The following DMXL1 variants were observed in gnomAD, a reference collection of about 807,000 sequenced individuals.
The protein encoded by DMXL1 is dmX-like protein 1.
A neutral mutation model predicts 319.2 loss-of-function variants in DMXL1; 99 were observed. The observed-to-expected ratio is 0.31, with a 90% CI of 0.26 to 0.37. The LOEUF (loss-of-function observed/expected upper bound fraction) is 0.37, where lower values mean the gene tolerates loss of function less well. DMXL1 is among the 10% of genes least tolerant of loss of function. The probability of loss-of-function intolerance (pLI) is 1.00; values close to 1 mark genes in which losing one functional copy is unlikely to be tolerated. For synonymous variants in DMXL1, 1,385 were observed against 1,235.2 expected, an observed-to-expected ratio of 1.12 and a Z score of -2.54; for missense variants, 3,745 against 3,595.6, an observed-to-expected ratio of 1.04 and a Z score of -1.06.
chr5:119,189,612 G>T lies in DMXL1; in HGVS notation c.7136-96G>T. ...ATCTCAATCTTATTTTTTTGTGTGT[G>T]CTTATTTGTAGTTAACCTTAGCTCT... On this transcript the variant is annotated intron_variant, in intron 28 of 43. Transcript: ENST00000539542. 6 of 1,091,944 alleles carry T rather than the reference G, an allele frequency of 5.5e-6. No individual in the cohort carries two copies. The Admixed American group carries it at 7.0e-5, about 13-fold the overall frequency. The allele number at this position is 1,091,944 out of a possible 1,614,324, so 67.6% of individuals were successfully genotyped here.
chr5:119,118,839 G>A lies in DMXL1; in HGVS notation c.768G>A (p.Leu256=), dbSNP rs745721380. 5.6e-6 allele frequency: 9 copies of A among 1,612,792 alleles called. No homozygotes were observed. The highest frequency in any genetic ancestry group is 1.7e-6 in the Non-Finnish European group (2 of 1,179,612). ...MPRASVCNVL[L]TCCKDNVCRL... is the part of the protein sequence containing the mutation. ...GGGCTTCTGTATGTAATGTACTGTTGACTTGCTGCAAAGATAATGTGTGTC... is the reference window on the plus strand; with the variant it reads ...GGGCTTCTGTATGTAATGTACTGTTAACTTGCTGCAAAGATAATGTGTGTC... Residue 256 remains leucine (L), a synonymous_variant, in exon 8 of 44, where the codon TTG becomes TTA. Transcript: ENST00000539542.
At chr5:119,240,323 TG>T in intron 41 of DMXL1, 95 bp from the exon 42 acceptor site, 2 of 768,096 alleles carry the variant, frequency 2.6e-6, no homozygotes, top group Non-Finnish European at 4.1e-6. Flanking sequence ...GAACCTTCTG[TG>T]ACAGCAAGGT....
chr5:119,169,617 A>G lies in DMXL1; in HGVS notation c.5399-573A>G, dbSNP rs190187053. Among the ~76,000 whole-genome samples, 21 of 152,356 alleles carry G rather than the reference A, an allele frequency of 1.4e-4. No individual in the cohort carries two copies. In the East Asian group the frequency reaches 3.9e-3, roughly 28 times the overall value. ...AGGGCACACTAAATAAAAAGGCCCC[A>G]AAGCAAGAGTTTATACACATAAGTA... On this transcript the variant is annotated intron_variant, in intron 23 of 43. Transcript: ENST00000539542.
At chr5:119,153,364 T>G (rs1282234189) in intron 19 of DMXL1, among the ~76,000 whole-genome samples, 1 of 152,244 alleles carries the variant, frequency 6.6e-6, no homozygotes, top group African/African-American at 2.4e-5. Context: ...CTGATATATG[T>G]ATACAAAGTG....
At chr5:119,079,886 T>C (rs915088655) in intron 1 of DMXL1, among the ~76,000 whole-genome samples, 5 of 152,334 alleles carry the variant, frequency 3.3e-5, no homozygotes, top group African/African-American at 1.2e-4. Flanking sequence ...ATATCTTTCT[T>C]GTCTGTCCCT....
Position 119,116,292 on chromosome 5 carries a change from A to G in DMXL1, c.699A>G (p.Ala233=). 1.2e-6 allele frequency: 2 copies of G among 1,614,122 alleles called. No homozygotes were observed. The highest frequency in any genetic ancestry group is 1.7e-6 in the Non-Finnish European group (2 of 1,179,988). ...TTGTGTATCTGGCCCATCCTCGAGC[A>G]GTAAATGGATTTTCCTGGCGTAAAA... ...FSFVYLAHPR[A]VNGFSWRKTS... The change falls in exon 7 of 44, where the codon GCA becomes GCG. Residue 233 remains alanine, a synonymous_variant. Transcript: ENST00000539542.
rs1580648192 is a variant in DMXL1, at chr5:119,092,046, C to A, written c.88-5933C>A. ...CTGTTCACCATAATCTCCCTTTTTC[C>A]AGTGTAGAAACAATGTTTGGGGAAA... is the stretch of plus-strand genomic sequence containing the variant. On this transcript the variant is annotated intron_variant, in intron 1 of 43. Transcript: ENST00000539542. 2.6e-5 allele frequency among the ~76,000 whole-genome samples: 4 copies of A among 152,216 alleles called. 1 individual carries two copies. In the South Asian group the frequency reaches 6.2e-4, roughly 24 times the overall value.
chr5:119,197,284 A>G (rs1249940147), intron 31 of DMXL1, among the ~76,000 whole-genome samples: 1 of 152,214 alleles, frequency 6.6e-6, no homozygotes, highest in Non-Finnish European at 1.5e-5. Context: ...GCCTTGGGCC[A>G]CACATAAAAT....
intron 1 of DMXL1, among the ~76,000 whole-genome samples, chr5:119,078,918 AAC>A (rs1217824453): frequency 2.0e-5 from 3 of 152,352 alleles, no homozygotes; most frequent in East Asian, 3.9e-4. Flanking sequence ...TTAATTTAGC[AAC>A]AGTCTTTGTT....
In DMXL1 at chr5:119,144,617, G is replaced by A; in HGVS notation, c.2548G>A (p.Asp850Asn). The change falls in exon 15 of 44, where the codon GAC becomes AAC. Residue 850 changes from aspartate to asparagine, a missense_variant. Asp to Asn is a conservative substitution (Grantham distance 23). Around this residue, in one of 4 missense-constraint regions of DMXL1, gnomAD observed 2,096 missense variants for 1,985.4 expected, o/e 1.06. Coordinates refer to ENST00000539542, the MANE Select transcript of DMXL1 (RefSeq NM_001290321.3). The stretch of plus-strand genomic sequence containing the variant: ...CCTTGAGAAGAAAAGCCTTGGCAAA[G>A]ACAGCATTTTATCTAATGCAGGTAA... ...NNLEKKSLGK[D>N]SILSNAGSSP... 1 of 1,599,006 alleles carries A rather than the reference G, an allele frequency of 6.3e-7. No homozygotes were observed. The highest frequency in any genetic ancestry group is 1.1e-5 in the South Asian group (1 of 88,272).
intron 37 of DMXL1, among the ~76,000 whole-genome samples, chr5:119,222,258 A>C (rs1186040204): frequency 6.6e-6 from 1 of 152,184 alleles, no homozygotes; most frequent in Non-Finnish European, 1.5e-5. Flanking sequence ...AAGTGGATCA[A>C]CTTATGTCAC....
intron 25 of DMXL1, among the ~76,000 whole-genome samples, chr5:119,174,387 G>A (rs1246250107): frequency 6.6e-6 from 1 of 152,164 alleles, no homozygotes; most frequent in Non-Finnish European, 1.5e-5. Flanking sequence ...TCAGTGAGTG[G>A]AGAAGTACGT....
In DMXL1 at chr5:119,223,057, G is replaced by GTTT. The variant is rs35683993; in HGVS notation, c.8278-1637_8278-1635dup. On this transcript the variant is annotated intron_variant, in intron 37 of 43. Coordinates refer to ENST00000539542, the MANE Select transcript of DMXL1 (RefSeq NM_001290321.3). ...TTGAAATTATTCATTACTTAGTTGTGTTTTTTTTTTTTTTTTTGAGATGGA... is the reference window on the plus strand; with the variant it reads ...TTGAAATTATTCATTACTTAGTTGTGTTTTTTTTTTTTTTTTTTTTGAGATGGA... Among the ~76,000 whole-genome samples, 41 of 123,416 alleles carry GTTT rather than the reference G, an allele frequency of 3.3e-4. 1 individual carries two copies. Among genetic ancestry groups the GTTT allele is most frequent in the Non-Finnish European group, 4.3e-4 (26 of 60,862 alleles). 81.0% of individuals were successfully genotyped at this position (123,416 alleles called of 152,430 possible).
In DMXL1 at chr5:119,088,332, G is replaced by A. The variant is rs554288310; in HGVS notation, c.88-9647G>A. 2.6e-5 allele frequency among the ~76,000 whole-genome samples: 4 copies of A among 152,266 alleles called. No homozygotes were observed. The South Asian group carries it at 6.2e-4, about 24-fold the overall frequency. ...TTCCACCCCTTTACTTTCAGTCTGT[G>A]TATGCTTTTGTTGGTAAGGTGGGTT... On this transcript the variant is annotated intron_variant, in intron 1 of 43. Coordinates refer to ENST00000539542, the MANE Select transcript of DMXL1 (RefSeq NM_001290321.3).
chr5:119,095,345 C>A (rs1192670582), intron 1 of DMXL1, among the ~76,000 whole-genome samples: 1 of 152,108 alleles, frequency 6.6e-6, no homozygotes, highest in Non-Finnish European at 1.5e-5. Flanking sequence ...TTGGTATTTT[C>A]CTCTGTATAG....
rs1162857458 is a variant in DMXL1, at chr5:119,247,355, T to G, written c.*136T>G. 6.2e-6 allele frequency: 4 copies of G among 646,932 alleles called. No homozygotes were observed. The highest frequency in any genetic ancestry group is 1.0e-5 in the Non-Finnish European group (4 of 389,256). The allele number at this position is 646,932 out of a possible 1,614,324, so 40.1% of individuals were successfully genotyped here. Reference sequence around the variant, plus strand: ...ATATTTATTTTATGGAGCTTTGCCCTTGATGCACTGATGCCTTAAAAATTA... The same window carrying G: ...ATATTTATTTTATGGAGCTTTGCCCGTGATGCACTGATGCCTTAAAAATTA... On this transcript the variant is annotated 3_prime_UTR_variant, in exon 44 of 44. Transcript: ENST00000539542.
In DMXL1 at chr5:119,178,166, G is replaced by A. The variant is rs1776161754; in HGVS notation, c.7057G>A (p.Glu2353Lys). The A allele has an allele frequency of 6.2e-7, 1 of 1,613,908 alleles. No individual in the cohort carries two copies. The highest frequency in any genetic ancestry group is 8.5e-7 in the Non-Finnish European group (1 of 1,179,826). Residue 2353 changes from glutamate to lysine, a missense_variant, in exon 28 of 44, where the codon GAG becomes AAG. Around this residue, in one of 4 missense-constraint regions of DMXL1, gnomAD observed 1,382 missense variants for 1,269.5 expected, o/e 1.09. Coordinates refer to ENST00000539542, the MANE Select transcript of DMXL1 (RefSeq NM_001290321.3). The part of the protein sequence containing the change: ...LFRIVAHPLN[E>K]KMWSAVFGGG... ...TCGGATTGTGGCCCATCCTCTAAATGAGAAAATGTGGTCTGCTGTGTTTGG... is the reference window on the plus strand; with the variant it reads ...TCGGATTGTGGCCCATCCTCTAAATAAGAAAATGTGGTCTGCTGTGTTTGG...
Position 119,105,237 on chromosome 5 carries a change from A to G in DMXL1, c.343A>G (p.Asn115Asp). Residue 115 changes from asparagine to aspartate, a missense_variant, in exon 4 of 44, where the codon AAT becomes GAT. Physicochemically the swap from Asn to Asp is conservative, Grantham distance 23. Coordinates refer to ENST00000539542, the MANE Select transcript of DMXL1 (RefSeq NM_001290321.3). ...GQFFLESIAH[N>D]ITWDPTGSRL... ...ATTTTTTCTGGAATCAATAGCACAC[A>G]ATATAACCTGGGATCCCACAGGTAA... 6.2e-7 allele frequency: 1 copy of G among 1,613,008 alleles called. No homozygotes were observed. The highest frequency in any genetic ancestry group is 8.5e-7 in the Non-Finnish European group (1 of 1,179,174).
At chr5:119,124,356 A>G (rs1464848368) in intron 9 of DMXL1, among the ~76,000 whole-genome samples, 5 of 151,932 alleles carry the variant, frequency 3.3e-5, no homozygotes, top group African/African-American at 1.2e-4. Context: ...CAAGGAACAA[A>G]TGCTTTTTTA....
Sources: gnomAD v4.1 joint callset for allele counts (sites outside exome capture counted in the v4.1 genomes callset) on GRCh38, gnomAD v4.1.1 for gene constraint, gnomAD v4.1.1 regional missense constraint, MANE v1.5 for transcripts, NCBI Gene and HGNC (gene_info 2026-07-23, HGNC 2026-07-21) for gene names.